Variants in NPHS1 observed in about 807,000 individuals in gnomAD.
The protein encoded by NPHS1 is nephrin.
In NPHS1, 107 loss-of-function variants were observed where a neutral mutation model predicts 139.7. That is an observed-to-expected ratio of 0.77 (90% CI 0.66 to 0.90). NPHS1 has a LOEUF of 0.90. Ranked by LOEUF, NPHS1 falls within the 40% of genes least tolerant of loss-of-function variation. The probability of loss-of-function intolerance (pLI) is 0.00; values close to 1 mark genes in which losing one functional copy is unlikely to be tolerated. For synonymous variants in NPHS1, 707 were observed against 706.6 expected (o/e 1.00, Z -0.01); for missense variants, 1,580 against 1,654.2 (o/e 0.96, Z 0.78).
At chr19:35,846,453 C>A (rs1358356095) in intron 11 of NPHS1, among the ~76,000 whole-genome samples, 1 of 152,208 alleles carries the variant, frequency 6.6e-6, no homozygotes, top group Admixed American at 6.5e-5. Flanking sequence ...CGCCTTCTGT[C>A]CCACACCCAA....
intron 28 of NPHS1, among the ~76,000 whole-genome samples, chr19:35,827,573 C>T (rs1334772130): frequency 1.3e-5 from 2 of 152,152 alleles, no homozygotes; most frequent in Non-Finnish European, 1.5e-5. Flanking sequence ...TTGAAGCAAG[C>T]CCAAGATACC....
At position 35,845,813 on chromosome 19, in the gene NPHS1, T is replaced by C; in HGVS notation, c.1628-15A>G. On this transcript the variant is annotated splice_polypyrimidine_tract_variant and intron_variant, in intron 12 of 28. Transcript: ENST00000378910. The surrounding 1 kb of genome is among the most constrained non-coding windows in gnomAD (Gnocchi z 5.5). ...AGTTGGGGGAACTGGGAGACGGGGT[T>C]GGAGGAGCGAGACTCAGAGGTTAGG... The C allele has an allele frequency of 6.2e-7, 1 of 1,610,932 alleles. No individual in the cohort carries two copies. The highest frequency in any genetic ancestry group is 1.7e-5 in the Admixed American group (1 of 59,968).
Position 35,852,198 on chromosome 19 carries a change from G to A in NPHS1, c.-361C>T, listed in dbSNP as rs999241892. Reference sequence around the variant, plus strand: ...CCCACCTTGGCCTCCCCAAGTGTTGGGATTACAGGCGTGAGCCACTGCGCC... The same window carrying A: ...CCCACCTTGGCCTCCCCAAGTGTTGAGATTACAGGCGTGAGCCACTGCGCC... On this transcript the variant is annotated 5_prime_UTR_variant, in exon 1 of 29. Coordinates refer to ENST00000378910, the MANE Select transcript of NPHS1 (RefSeq NM_004646.4). 1.3e-5 allele frequency among the ~76,000 whole-genome samples: 2 copies of A among 150,332 alleles called. No individual in the cohort carries two copies. The highest frequency in any genetic ancestry group is 4.9e-5 in the African/African-American group (2 of 40,820).
At chr19:35,843,781 T>A (rs1047996193) in intron 16 of NPHS1, 188 bp from the exon 17 acceptor site, 7 of 708,742 alleles carry the variant, frequency 9.9e-6, no homozygotes, top group Admixed American at 8.4e-5. Flanking sequence ...CCCTCCACTA[T>A]GCCTCTGTGA....
At position 35,842,174 on chromosome 19, in the gene NPHS1, G is replaced by A. The variant is rs200476427; in HGVS notation, c.2613C>T (p.Ile871=). ...LHCRARGVPN[I]VFTWTKNGVP... ...CCCCGTTTTTTGTCCAAGTGAAAAC[G>A]ATGTTGGGGACACCTCGGGCACGGC... is the stretch of plus-strand genomic sequence containing the variant. Residue 871 remains isoleucine, a synonymous_variant, in exon 19 of 29, where the codon ATC becomes ATT. Coordinates refer to ENST00000378910, the MANE Select transcript of NPHS1 (RefSeq NM_004646.4). 7.4e-6 allele frequency: 12 copies of A among 1,610,788 alleles called. No homozygotes were observed. Among genetic ancestry groups the A allele is most frequent in the Admixed American group, 6.8e-5 (4 of 59,228 alleles).
At chr19:35,828,985 G>A (rs924169058) in intron 28 of NPHS1, among the ~76,000 whole-genome samples, 1 of 152,240 alleles carries the variant, frequency 6.6e-6, no homozygotes, top group African/African-American at 2.4e-5. Context: ...CATCAGCCAA[G>A]GCCACACAGG....
At position 35,826,499 on chromosome 19, in the gene NPHS1, G is replaced by T. The variant is rs1310499856; in HGVS notation, c.*15C>A. 6.2e-7 allele frequency: 1 copy of T among 1,613,140 alleles called. No individual in the cohort carries two copies. The highest frequency in any genetic ancestry group is 1.1e-5 in the South Asian group (1 of 91,036). ...AAATTCCTGCAGGTGCAGGACAATG[G>T]GGTTGAGAGGGCTCTTACACCAGAT... On this transcript the variant is annotated 3_prime_UTR_variant, in exon 29 of 29. Coordinates refer to ENST00000378910, the MANE Select transcript of NPHS1 (RefSeq NM_004646.4).
intron 14 of NPHS1, among the ~76,000 whole-genome samples, chr19:35,844,802 T>C (rs1973112011): frequency 6.6e-6 from 1 of 151,968 alleles, no homozygotes; most frequent in African/African-American, 2.4e-5. Context: ...AGTTTCAGGA[T>C]GGGGTTAATG....
intron 23 of NPHS1, among the ~76,000 whole-genome samples, chr19:35,833,855 C>A (rs949414059): frequency 3.3e-5 from 5 of 152,096 alleles, no homozygotes; most frequent in African/African-American, 1.2e-4. Flanking sequence ...CACTGCCATG[C>A]CTGGCTAATT....
In NPHS1 at chr19:35,852,341, C is replaced by T. The variant is rs916550107; in HGVS notation, c.-504G>A. 6.6e-6 allele frequency among the ~76,000 whole-genome samples: 1 copy of T among 152,030 alleles called. No homozygotes were observed. Among genetic ancestry groups the T allele is most frequent in the African/African-American group, 2.4e-5 (1 of 41,402 alleles). The stretch of plus-strand genomic sequence containing the variant: ...CTCTCTCTCTCAATCTCTATCTTCT[C>T]TCCTGCCACCCCTCACTCCTGCTCC... On this transcript the variant is annotated 5_prime_UTR_variant, in exon 1 of 29. Coordinates refer to ENST00000378910, the MANE Select transcript of NPHS1 (RefSeq NM_004646.4).
At chr19:35,840,380 G>T (rs1973036998) in intron 20 of NPHS1, among the ~76,000 whole-genome samples, 1 of 150,814 alleles carries the variant, frequency 6.6e-6, no homozygotes, top group Non-Finnish European at 1.5e-5. Flanking sequence ...TGTCACCCAG[G>T]CTGGAGTGCA....
At chr19:35,843,955 G>C in intron 16 of NPHS1, 148 bp downstream of exon 16, 2 of 1,122,998 alleles carry the variant, frequency 1.8e-6, no homozygotes, top group Middle Eastern at 3.0e-4. Flanking sequence ...CGCAGTGGGC[G>C]TGGTTACACC....
rs934393327 is a variant in NPHS1, at chr19:35,842,060, G to A, written c.2663+64C>T. On this transcript the variant is annotated intron_variant, in intron 19 of 28. Coordinates refer to ENST00000378910, the MANE Select transcript of NPHS1 (RefSeq NM_004646.4). Reference sequence around the variant, plus strand: ...TTCCTTCTCTGCAGGGACTCAGGGAGGGGAAGTGGGGCTGGAGGTCCAGAC... The same window carrying A: ...TTCCTTCTCTGCAGGGACTCAGGGAAGGGAAGTGGGGCTGGAGGTCCAGAC... 3.2e-6 allele frequency: 5 copies of A among 1,539,346 alleles called. No homozygotes were observed. In the African/African-American group the frequency reaches 5.4e-5, roughly 17 times the overall value.
At chr19:35,841,681 C>T (rs571066051) in intron 20 of NPHS1, 34 bp downstream of exon 20, 13 of 1,611,588 alleles carry the variant, frequency 8.1e-6, no homozygotes, top group Non-Finnish European at 1.1e-5. Context: ...CCAGGGAGCA[C>T]CCCCTCCCCA....
At position 35,852,097 on chromosome 19, in the gene NPHS1, C is replaced by CTTTTTTTTTTTTTTTTTT. The variant is rs10566018; in HGVS notation, c.-261_-260insAAAAAAAAAAAAAAAAAA. Among the ~76,000 whole-genome samples, 3 of 121,604 alleles carry CTTTTTTTTTTTTTTTTTT rather than the reference C, an allele frequency of 2.5e-5. No individual in the cohort carries two copies. Among genetic ancestry groups the CTTTTTTTTTTTTTTTTTT allele is most frequent in the Non-Finnish European group, 5.4e-5 (3 of 56,072 alleles). 79.8% of individuals were successfully genotyped at this position (121,604 alleles called of 152,430 possible). A position where few individuals can be genotyped will look rare whatever the true frequency, so the allele number is the denominator to read the frequency against. On this transcript the variant is annotated 5_prime_UTR_variant, in exon 1 of 29. Coordinates refer to ENST00000378910, the MANE Select transcript of NPHS1 (RefSeq NM_004646.4). ...TTTTTTTCTTTTTTCTTTTTTTTTT[C>CTTTTTTTTTTTTTTTTTT]TTTTTTTTTTTTTTAGAGACGGGGT...
chr19:35,844,441 C>T lies in NPHS1; in HGVS notation c.1949G>A (p.Gly650Glu), dbSNP rs753634515. 2 of 1,588,574 alleles carry T rather than the reference C, an allele frequency of 1.3e-6. No homozygotes were observed. Among genetic ancestry groups the T allele is most frequent in the Non-Finnish European group, 1.7e-6 (2 of 1,168,734 alleles). The part of the protein sequence containing the change: ...LNVLYRPEFL[G>E]EQVLVVTAVE... ...CGCGGTCACCACCAGCACCTGCTCC[C>T]CCAGGAACTCTGGACGGTCTTCAGA... The change falls in exon 15 of 29, where the codon GGG becomes GAG. Residue 650 changes from glycine (G) to glutamate (E), a missense_variant. Transcript: ENST00000378910.
chr19:35,835,723 G>A lies in NPHS1; in HGVS notation c.3148C>T (p.Pro1050Ser). 6.2e-7 allele frequency: 1 copy of A among 1,613,648 alleles called. No individual in the cohort carries two copies. Among genetic ancestry groups the A allele is most frequent in the Non-Finnish European group, 8.5e-7 (1 of 1,179,776 alleles). Residue 1050 changes from proline (P) to serine (S), a missense_variant, in exon 23 of 29, where the codon CCC (proline) becomes TCC (serine). Coordinates refer to ENST00000378910, the MANE Select transcript of NPHS1 (RefSeq NM_004646.4). ...GACTTGCCTGAAGGTGGCTCTGTGG[G>A]CAGCTGGTCTTCAGGTTCTCCAGAA... The part of the protein sequence containing the change: ...QPSGEPEDQL[P>S]TEPPSGPSGL...
intron 4 of NPHS1, 80 bp from the exon 5 acceptor site, chr19:35,850,525 G>T (rs1451393341): frequency 1.6e-6 from 2 of 1,233,714 alleles, no homozygotes; most frequent in African/African-American, 1.5e-5. Flanking sequence ...GAAGTCCTCA[G>T]GGTGGGTGCG....
intron 15 of NPHS1, 35 bp from the exon 16 acceptor site, chr19:35,844,278 C>T: frequency 6.2e-7 from 1 of 1,613,890 alleles, no homozygotes; most frequent in Non-Finnish European, 8.5e-7. Context: ...CTGGCAGGAC[C>T]TCCCATCCCC....
Sources: gnomAD v4.1 joint callset for allele counts (sites outside exome capture counted in the v4.1 genomes callset) on GRCh38, gnomAD v4.1.1 for gene constraint, Gnocchi (gnomAD v3.1) non-coding constraint, MANE v1.5 for transcripts, NCBI Gene and HGNC (gene_info 2026-07-23, HGNC 2026-07-21) for gene names.